Variants in TREM1 observed in about 807,000 individuals in gnomAD.
TREM1 encodes the protein triggering receptor expressed on monocytes 1.
A neutral mutation model predicts 22.4 loss-of-function variants in TREM1; 16 were observed. The ratio of observed to expected loss-of-function variants is 0.71; its 90% CI spans 0.48 to 1.08. TREM1 has a LOEUF of 1.08. Among genes scored for constraint, TREM1 ranks in the 50% least tolerant of loss-of-function variants. The pLI, the probability that TREM1 is intolerant of heterozygous loss-of-function variation, is 0.00. For synonymous variants in TREM1, 110 were observed against 111.6 expected (o/e 0.99, Z 0.09); for missense variants, 283 against 282.9 (o/e 1.00, Z 0.00).
At chr6:41,286,571 A>G (rs1156811756) in intron 1 of TREM1, 36 bp downstream of exon 1, 2 of 1,612,452 alleles carry the variant, frequency 1.2e-6, no homozygotes, top group African/African-American at 2.7e-5. Context: ...TCCTGGACCA[A>G]ACGCCTCCCC....
At position 41,282,614 on chromosome 6, in the gene TREM1, T is replaced by C; in HGVS notation, c.187A>G (p.Met63Val). ...KAWQIIRDGE[M>V]PKTLACTERP... ...TCTGTGCATGCCAGGGTCTTGGGCA[T>C]CTCTCCGTCCCTTATTATCTGCCAA... The change falls in exon 2 of 4, where the codon ATG (methionine) becomes GTG (valine). Residue 63 changes from methionine to valine, a missense_variant. By Grantham distance (21) the Met-to-Val change is conservative. Coordinates refer to ENST00000244709, the MANE Select transcript of TREM1 (RefSeq NM_018643.5). The C allele has an allele frequency of 6.2e-7, 1 of 1,614,192 alleles. No individual in the cohort carries two copies. The highest frequency in any genetic ancestry group is 8.5e-7 in the Non-Finnish European group (1 of 1,180,028).
At position 41,273,968 on chromosome 6, in the gene TREM1, T is replaced by C. The variant is rs1218518762; in HGVS notation, c.*2157A>G. On this transcript the variant is annotated 3_prime_UTR_variant, in exon 4 of 4. Transcript: ENST00000244709. ...TGCTGGTTTAGCCACATTGGTCAGG[T>C]TCCCAGGCAGGATGGGGAGGATGGA... 3.9e-5 allele frequency among the ~76,000 whole-genome samples: 6 copies of C among 152,202 alleles called. No homozygotes were observed. Among genetic ancestry groups the C allele is most frequent in the Non-Finnish European group, 8.8e-5 (6 of 68,016 alleles).
At chr6:41,284,222 C>T (rs756244374) in intron 1 of TREM1, among the ~76,000 whole-genome samples, 3 of 152,074 alleles carry the variant, frequency 2.0e-5, no homozygotes, top group Non-Finnish European at 4.4e-5. Context: ...TTGTTATAAC[C>T]AGGGAGAGGG....
In TREM1 at chr6:41,282,529, TG is replaced by T. The variant is rs1767971389; in HGVS notation, c.271del (p.His91MetfsTer24). 1.2e-6 allele frequency: 2 copies of T among 1,614,190 alleles called. No homozygotes were observed. Among genetic ancestry groups the T allele is most frequent in the African/African-American group, 2.7e-5 (2 of 75,042 alleles). On this transcript the variant is annotated frameshift_variant, in exon 2 of 4. Transcript: ENST00000244709. LOFTEE classifies it high-confidence loss of function. ...TCGGACGCGCAGTAAACCATGATCA[TG>T]GTAGTCTTCTAGTATGATCCTCCCC... ...QVGRIILEDY[H>X]DHGLLRVRMV... is the part of the protein sequence containing the mutation.
At position 41,278,040 on chromosome 6, in the gene TREM1, G is replaced by A. The variant is rs1241521813; in HGVS notation, c.600-1810C>T. Among the ~76,000 whole-genome samples, 4 of 150,556 alleles carry A rather than the reference G, an allele frequency of 2.7e-5. No individual in the cohort carries two copies. In the East Asian group the frequency reaches 7.9e-4, roughly 30 times the overall value. On this transcript the variant is annotated intron_variant, in intron 3 of 3. Coordinates refer to ENST00000244709, the MANE Select transcript of TREM1 (RefSeq NM_018643.5). ...AGGCTCAAGTGATCCTCCTGCCTCA[G>A]CCTCCCGAGTAGCTGGGACCATGGG...
chr6:41,284,240 C>T (rs548133745), intron 1 of TREM1, among the ~76,000 whole-genome samples: 3 of 152,206 alleles, frequency 2.0e-5, no homozygotes, highest in South Asian at 2.1e-4. Flanking sequence ...GGGGTGGATG[C>T]TACTAACATC....
chr6:41,276,673 T>TA (rs1767684955), intron 3 of TREM1, among the ~76,000 whole-genome samples: 5 of 152,116 alleles, frequency 3.3e-5, no homozygotes, highest in Non-Finnish European at 7.3e-5. Context: ...GGCGAAATGA[T>TA]TCTAAGGTTT....
rs1005290899 is a variant in TREM1, at chr6:41,274,862, G to A, written c.*1263C>T. Among the ~76,000 whole-genome samples, 7 of 152,172 alleles carry A rather than the reference G, an allele frequency of 4.6e-5. No homozygotes were observed. Among genetic ancestry groups the A allele is most frequent in the South Asian group, 4.2e-4 (2 of 4,814 alleles). ...TACATTTACCTAACATGAGACACAC[G>A]GTATGTGTGGAAAAGTATGATTGCT... is the stretch of plus-strand genomic sequence containing the variant. On this transcript the variant is annotated 3_prime_UTR_variant, in exon 4 of 4. Transcript: ENST00000244709.
chr6:41,276,074 G>A lies in TREM1; in HGVS notation c.*51C>T, dbSNP rs766177996. The A allele has an allele frequency of 7.0e-7, 1 of 1,421,916 alleles. No individual in the cohort carries two copies. Among genetic ancestry groups the A allele is most frequent in the Admixed American group, 1.7e-5 (1 of 59,676 alleles). 88.1% of individuals were successfully genotyped at this position (1,421,916 alleles called of 1,614,324 possible). The stretch of plus-strand genomic sequence containing the variant: ...TCCTCCCTCCTCCCTTGGCACAACT[G>A]CCAGATGGATGTGGCTGGAAGTCAG... On this transcript the variant is annotated 3_prime_UTR_variant, in exon 4 of 4. Transcript: ENST00000244709.
Position 41,280,496 on chromosome 6 carries a change from G to A in TREM1, c.599+465C>T, listed in dbSNP as rs111673840. 8.7e-3 allele frequency: 8,968 copies of A among 1,031,982 alleles called. 48 individuals carry two copies. The highest frequency in any genetic ancestry group is 9.7e-3 in the Non-Finnish European group (8,307 of 857,896). The allele number at this position is 1,031,982 out of a possible 1,614,324, so 63.9% of individuals were successfully genotyped here. On this transcript the variant is annotated intron_variant, in intron 3 of 3. Transcript: ENST00000244709. ...CAGCTCCTGCTGAGAGTTATTAGGT[G>A]GACAATGTCTTCCAGCTTTGGGTTT...
chr6:41,270,468 T>TATATTATATATATATATATATATATA (rs1561913335), downstream of TREM1, among the ~76,000 whole-genome samples: 10 of 5,744 alleles, frequency 1.7e-3, 1 homozygote, highest in East Asian at 0.018. Context: ...TATATATATA[T>TATATTATATATATATATATATATATA]ATATATATAT....
At chr6:41,286,006 G>A (rs747545955) in intron 1 of TREM1, among the ~76,000 whole-genome samples, 3 of 152,216 alleles carry the variant, frequency 2.0e-5, no homozygotes, top group Non-Finnish European at 4.4e-5. Context: ...GTGCAGATGT[G>A]AGCTGTGCGG....
intron 3 of TREM1, among the ~76,000 whole-genome samples, chr6:41,278,269 C>T (rs1001037004): frequency 1.1e-4 from 17 of 152,046 alleles, no homozygotes; most frequent in African/African-American, 4.1e-4. Flanking sequence ...TCTGGGGAAA[C>T]TACCTAGAGA....
intron 1 of TREM1, among the ~76,000 whole-genome samples, chr6:41,285,367 TGA>T: frequency 6.6e-6 from 1 of 152,350 alleles, no homozygotes; most frequent in South Asian, 2.1e-4. Flanking sequence ...AGTAAAAAGT[TGA>T]CACCATTATT....
At chr6:41,285,613 A>G (rs921255434) in intron 1 of TREM1, among the ~76,000 whole-genome samples, 5 of 152,216 alleles carry the variant, frequency 3.3e-5, no homozygotes, top group African/African-American at 1.2e-4. Flanking sequence ...ACCTATCCCC[A>G]CAGGGCACAA....
chr6:41,272,686 T>C (rs1561914410), downstream of TREM1, among the ~76,000 whole-genome samples: 2 of 152,138 alleles, frequency 1.3e-5, no homozygotes, highest in African/African-American at 2.4e-5. Context: ...CCCTGCAGCA[T>C]GTCTCGGTGA....
At chr6:41,276,665 C>T (rs6941435) in intron 3 of TREM1, among the ~76,000 whole-genome samples, 3 of 152,066 alleles carry the variant, frequency 2.0e-5, no homozygotes, top group African/African-American at 7.2e-5. Flanking sequence ...TAGATTTTGG[C>T]GAAATGATTC....
intron 3 of TREM1, chr6:41,279,911 T>G (rs1265423827): frequency 1.0e-6 from 1 of 975,300 alleles, no homozygotes; most frequent in African/African-American, 1.8e-5. Flanking sequence ...AGAAGAAAAA[T>G]ATATCTGCAA....
Position 41,267,969 on chromosome 6 carries a change from A to T in TREM1, c.719T>A (p.Leu240Ter). The change falls in exon 4 of 4, where the codon TTG (leucine) becomes TAG (stop). Residue 240 changes from leucine to a stop codon, truncating the protein, a stop_gained. Transcript: ENST00000589614. LOFTEE classifies it high-confidence loss of function. ...AGGTTTTCCTTTATAACATGAATGC[A>T]AGGATTGAGTTCCAGCCTGGGAGAA... 2.5e-6 allele frequency: 1 copy of T among 398,646 alleles called. No individual in the cohort carries two copies. The highest frequency in any genetic ancestry group is 4.4e-6 in the Non-Finnish European group (1 of 226,060). The allele number at this position is 398,646 out of a possible 1,614,324, so 24.7% of individuals were successfully genotyped here. A position where few individuals can be genotyped will look rare whatever the true frequency, so the allele number is the denominator to read the frequency against.
Sources: gnomAD v4.1 joint callset for allele counts (sites outside exome capture counted in the v4.1 genomes callset) on GRCh38, gnomAD v4.1.1 for gene constraint, MANE v1.5 for transcripts, NCBI Gene and HGNC (gene_info 2026-07-23, HGNC 2026-07-21) for gene names.